DOCK4: variants seen among roughly 807,000 people sequenced by gnomAD.
The protein encoded by DOCK4 is dedicator of cytokinesis protein 4.
In DOCK4, 97 loss-of-function variants were observed where a neutral mutation model predicts 268.1. The observed-to-expected ratio is 0.36, with a 90% CI of 0.31 to 0.43. The LOEUF (loss-of-function observed/expected upper bound fraction) is 0.43. Among genes scored for constraint, DOCK4 ranks in the 20% least tolerant of loss-of-function variants. The probability of loss-of-function intolerance (pLI) is 1.00; values close to 1 mark genes in which losing one functional copy is unlikely to be tolerated. For missense variants in DOCK4, 2,145 were observed against 2,455.7 expected, an observed-to-expected ratio of 0.87 and a Z score of 2.67; for synonymous variants, 954 against 887.2, an observed-to-expected ratio of 1.08 and a Z score of -1.34.
chr7:111,946,340 C>A (rs1353244112), intron 8 of DOCK4, among the ~76,000 whole-genome samples: 1 of 152,218 alleles, frequency 6.6e-6, no homozygotes, highest in African/African-American at 2.4e-5. Context: ...TCTCAAACTA[C>A]CCCCACTAAA....
chr7:111,734,455 G>A (rs1448856970), intron 51 of DOCK4, among the ~76,000 whole-genome samples: 1 of 152,176 alleles, frequency 6.6e-6, no homozygotes, highest in East Asian at 1.9e-4. Context: ...CCAAAATGCT[G>A]GTATTACAGG....
At chr7:112,157,039 T>C (rs545455532) in intron 1 of DOCK4, among the ~76,000 whole-genome samples, 59 of 152,284 alleles carry the variant, frequency 3.9e-4, no homozygotes, top group African/African-American at 1.3e-3. Context: ...CAGGGAAACA[T>C]GTAATTTTTC....
At chr7:112,037,001 C>T (rs376684328) in intron 1 of DOCK4, among the ~76,000 whole-genome samples, 1 of 152,294 alleles carries the variant, frequency 6.6e-6, no homozygotes, top group Non-Finnish European at 1.5e-5. Flanking sequence ...GCAATACACA[C>T]TGACAGTAGA....
At chr7:112,074,300 T>C (rs1271826181) in intron 1 of DOCK4, among the ~76,000 whole-genome samples, 1 of 152,202 alleles carries the variant, frequency 6.6e-6, no homozygotes, top group East Asian at 1.9e-4. Flanking sequence ...GATTTTTTAC[T>C]GTCAAATGAG....
chr7:111,834,767 C>T, intron 25 of DOCK4, 81 bp from the exon 26 acceptor site: 1 of 908,064 alleles, frequency 1.1e-6, no homozygotes, highest in Non-Finnish European at 1.6e-6. Context: ...CTGAACTGTC[C>T]TCAAAGAGAA....
intron 8 of DOCK4, among the ~76,000 whole-genome samples, chr7:111,947,600 T>C (rs1795721788): frequency 8.9e-3 from 1 of 112 alleles, no homozygotes; most frequent in South Asian, 0.25. Context: ...ATGACACCTA[T>C]ACTGAGGGTG....
At chr7:112,170,571 T>C (rs1362680927) in intron 1 of DOCK4, among the ~76,000 whole-genome samples, 1 of 152,108 alleles carries the variant, frequency 6.6e-6, no homozygotes, top group East Asian at 1.9e-4. Context: ...AAGAATTACA[T>C]TCATAATGAT....
chr7:111,926,013 T>C lies in DOCK4; in HGVS notation c.1066+9527A>G, dbSNP rs1020878483. 4.7e-5 allele frequency among the ~76,000 whole-genome samples: 7 copies of C among 148,410 alleles called. 1 individual carries two copies. Among genetic ancestry groups the C allele is most frequent in the African/African-American group, 1.8e-4 (7 of 39,030 alleles). ...AGGAGGCTGAGGCAGGGGAATCACTTGAACCCGGGAGGCGGAGGTTGTAGT... is the reference window on the plus strand; with the variant it reads ...AGGAGGCTGAGGCAGGGGAATCACTCGAACCCGGGAGGCGGAGGTTGTAGT... On this transcript the variant is annotated intron_variant, in intron 12 of 52. Transcript: ENST00000428084.
At chr7:111,923,895 G>A (rs1292926528) in intron 12 of DOCK4, among the ~76,000 whole-genome samples, 1 of 152,134 alleles carries the variant, frequency 6.6e-6, no homozygotes, top group Admixed American at 6.5e-5. Context: ...TATTTAAGTA[G>A]TCCACTGATT....
intron 1 of DOCK4, among the ~76,000 whole-genome samples, chr7:112,186,793 A>G (rs1819523805): frequency 6.6e-6 from 1 of 152,196 alleles, no homozygotes; most frequent in Non-Finnish European, 1.5e-5. Flanking sequence ...GGGAAACATT[A>G]AAACAAAACA....
At chr7:112,176,329 A>G (rs940521597) in intron 1 of DOCK4, among the ~76,000 whole-genome samples, 4 of 152,080 alleles carry the variant, frequency 2.6e-5, no homozygotes, top group Non-Finnish European at 5.9e-5. Context: ...CCCTCACCCA[A>G]TGTGTACCCA....
chr7:112,127,484 A>G (rs1165674910), intron 1 of DOCK4, among the ~76,000 whole-genome samples: 1 of 151,026 alleles, frequency 6.6e-6, no homozygotes, highest in Admixed American at 6.6e-5. Context: ...TGGGTGCAGC[A>G]CACCAGCATG....
intron 16 of DOCK4, among the ~76,000 whole-genome samples, chr7:111,879,455 G>C (rs1807191657): frequency 6.6e-6 from 1 of 152,064 alleles, no homozygotes; most frequent in African/African-American, 2.4e-5. Context: ...AAAGCAAAGG[G>C]GGCTTTGCCT....
At chr7:112,013,401 C>A (rs1056104887) in intron 1 of DOCK4, among the ~76,000 whole-genome samples, 1 of 152,174 alleles carries the variant, frequency 6.6e-6, no homozygotes, top group Non-Finnish European at 1.5e-5. Context: ...GACACCTAGT[C>A]AAAAACTATT....
chr7:111,868,174 A>G lies in DOCK4; in HGVS notation c.2110-20T>C, dbSNP rs745383753. 12 of 1,552,582 alleles carry G rather than the reference A, an allele frequency of 7.7e-6. No homozygotes were observed. Among genetic ancestry groups the G allele is most frequent in the Non-Finnish European group, 1.0e-5 (12 of 1,146,378 alleles). ...TTGTGCCTTAAAAATACAATTTTTA[A>G]AAGTTAGCTTCAAAGGAGACAAAGA... On this transcript the variant is annotated intron_variant, in intron 21 of 52. Coordinates refer to ENST00000428084, the MANE Select transcript of DOCK4 (RefSeq NM_001363540.2).
chr7:112,000,197 T>C (rs956701569), intron 3 of DOCK4, among the ~76,000 whole-genome samples: 1 of 152,166 alleles, frequency 6.6e-6, no homozygotes, highest in Non-Finnish European at 1.5e-5. Flanking sequence ...TTCCCCTGCC[T>C]GAATTTTAAT....
chr7:112,168,068 C>A (rs1199853956), intron 1 of DOCK4, among the ~76,000 whole-genome samples: 1 of 151,538 alleles, frequency 6.6e-6, no homozygotes, highest in African/African-American at 2.4e-5. Context: ...AAAAAAAATA[C>A]TAGTACTCAT....
At chr7:111,861,645 C>A (rs1204653698) in intron 23 of DOCK4, among the ~76,000 whole-genome samples, 1 of 151,046 alleles carries the variant, frequency 6.6e-6, no homozygotes, top group Non-Finnish European at 1.5e-5. Context: ...ACTCAGGAGG[C>A]TGAGACGGGA....
At chr7:112,197,849 G>A (rs939252907) in intron 1 of DOCK4, among the ~76,000 whole-genome samples, 1 of 151,502 alleles carries the variant, frequency 6.6e-6, no homozygotes, top group South Asian at 2.1e-4. Context: ...TTTTGGTGCA[G>A]ACTCACTTTC....
Sources: gnomAD v4.1 joint callset for allele counts (sites outside exome capture counted in the v4.1 genomes callset) on GRCh38, gnomAD v4.1.1 for gene constraint, MANE v1.5 for transcripts, NCBI Gene and HGNC (gene_info 2026-07-23, HGNC 2026-07-21) for gene names.